Variants in TEAD1 observed in about 807,000 individuals in gnomAD.
TEAD1 encodes the protein transcriptional enhancer factor TEF-1.
Under a neutral mutation model 54.9 loss-of-function variants are expected in TEAD1, and 9 were observed. The observed-to-expected ratio is 0.16, with a 90% CI of 0.10 to 0.29. TEAD1 has a LOEUF of 0.29. TEAD1 is among the 10% of genes least tolerant of loss of function. The pLI is 1.00. For synonymous variants in TEAD1, 200 were observed against 187.8 expected, an observed-to-expected ratio of 1.07 and a Z score of -0.53; for missense variants, 387 against 535.9, an observed-to-expected ratio of 0.72 and a Z score of 2.74.
intron 11 of TEAD1, among the ~76,000 whole-genome samples, chr11:12,927,682 A>G (rs1428591120): frequency 3.3e-5 from 5 of 152,100 alleles, no homozygotes; most frequent in African/African-American, 1.2e-4. Context: ...TTGCATTCTC[A>G]TTTCATTTTA....
At chr11:12,756,536 A>T (rs1434815097) in intron 2 of TEAD1, among the ~76,000 whole-genome samples, 1 of 152,218 alleles carries the variant, frequency 6.6e-6, no homozygotes, top group Non-Finnish European at 1.5e-5. Flanking sequence ...AACCATTATT[A>T]GTGTCTGACA....
At chr11:12,838,014 C>T (rs1247924164) in intron 3 of TEAD1, among the ~76,000 whole-genome samples, 1 of 152,026 alleles carries the variant, frequency 6.6e-6, no homozygotes, top group Non-Finnish European at 1.5e-5. Context: ...CCAGGCTGGT[C>T]TCGAACTCCT....
At chr11:12,808,387 C>T (rs993119226) in intron 3 of TEAD1, among the ~76,000 whole-genome samples, 4 of 152,188 alleles carry the variant, frequency 2.6e-5, no homozygotes, top group African/African-American at 9.7e-5. Flanking sequence ...AAATGCACCA[C>T]CATGATGTAA....
At position 12,882,994 on chromosome 11, in the gene TEAD1, C is replaced by G. The variant is rs565499240; in HGVS notation, c.575-7C>G. 19 of 1,614,036 alleles carry G rather than the reference C, an allele frequency of 1.2e-5. 1 individual carries two copies. The highest frequency in any genetic ancestry group is 6.7e-5 in the Admixed American group (4 of 60,000). ...ACCAGCATCAAAGGTGACGATTGCT[C>G]TTTCAGGGTTTGAGCCTGCATCGGC... On this transcript the variant is annotated splice_region_variant and splice_polypyrimidine_tract_variant and intron_variant, in intron 8 of 12. Coordinates refer to ENST00000527636, the MANE Select transcript of TEAD1 (RefSeq NM_021961.6).
At chr11:12,764,469 A>C in intron 3 of TEAD1, 35 bp downstream of exon 3, 1 of 1,608,578 alleles carries the variant, frequency 6.2e-7, no homozygotes, top group Non-Finnish European at 8.5e-7. Flanking sequence ...GAAATACTAC[A>C]ACCTGCAGTT....
At chr11:12,734,018 C>T (rs1201248854) in intron 2 of TEAD1, among the ~76,000 whole-genome samples, 1 of 152,154 alleles carries the variant, frequency 6.6e-6, no homozygotes, top group Non-Finnish European at 1.5e-5. Flanking sequence ...CTTGTAGGCT[C>T]AAGTGACCCT....
chr11:12,810,322 T>C (rs1188646336), intron 3 of TEAD1, among the ~76,000 whole-genome samples: 4 of 152,118 alleles, frequency 2.6e-5, no homozygotes, highest in Non-Finnish European at 5.9e-5. Context: ...CTGAGCTGTT[T>C]AGAGGTGTAA....
chr11:12,816,480 GGTATTT>G (rs1324564475), intron 3 of TEAD1, among the ~76,000 whole-genome samples: 11 of 152,080 alleles, frequency 7.2e-5, no homozygotes, highest in Non-Finnish European at 1.5e-4. Context: ...CCCCCTTTTT[GGTATTT>G]GTAGTGGCTT....
chr11:12,704,451 C>G (rs557395325), intron 2 of TEAD1, among the ~76,000 whole-genome samples: 25 of 152,362 alleles, frequency 1.6e-4, no homozygotes, highest in African/African-American at 6.0e-4. Flanking sequence ...TTTGCTTCCA[C>G]CGGCATCTGC....
chr11:12,862,357 C>G, intron 4 of TEAD1, 43 bp downstream of exon 4: 1 of 1,591,372 alleles, frequency 6.3e-7, no homozygotes, highest in South Asian at 1.1e-5. Context: ...AGCGAATGGC[C>G]CAAAAAGGCA....
At chr11:12,722,444 C>A (rs1248311397) in intron 2 of TEAD1, among the ~76,000 whole-genome samples, 1 of 152,170 alleles carries the variant, frequency 6.6e-6, no homozygotes, top group Non-Finnish European at 1.5e-5. Flanking sequence ...GGTAACATCC[C>A]TTTCCTCATC....
At chr11:12,759,445 T>C (rs1945057603) in intron 2 of TEAD1, among the ~76,000 whole-genome samples, 1 of 152,182 alleles carries the variant, frequency 6.6e-6, no homozygotes, top group African/African-American at 2.4e-5. Flanking sequence ...TTTGGATTCA[T>C]AGAGTTTGTT....
chr11:12,859,221 T>A (rs1253516623), intron 3 of TEAD1, among the ~76,000 whole-genome samples: 1 of 152,170 alleles, frequency 6.6e-6, no homozygotes, highest in Non-Finnish European at 1.5e-5. Context: ...CAACTCCAAG[T>A]GCTGCAAGAA....
chr11:12,908,360 C>T (rs992995808), intron 10 of TEAD1, among the ~76,000 whole-genome samples: 4 of 152,198 alleles, frequency 2.6e-5, no homozygotes, highest in African/African-American at 9.7e-5. Flanking sequence ...TCTGTTTCCC[C>T]TGCCCTGCCC....
chr11:12,721,986 C>T (rs1320819492), intron 2 of TEAD1, among the ~76,000 whole-genome samples: 1 of 152,212 alleles, frequency 6.6e-6, no homozygotes, highest in East Asian at 1.9e-4. Flanking sequence ...AGGTGCCTCA[C>T]TCCTAAATAT....
intron 2 of TEAD1, among the ~76,000 whole-genome samples, chr11:12,699,644 A>G (rs1436428711): frequency 2.0e-5 from 3 of 152,154 alleles, no homozygotes; most frequent in African/African-American, 7.2e-5. Flanking sequence ...TTTACTCACT[A>G]GATTATAAGC....
intron 10 of TEAD1, among the ~76,000 whole-genome samples, chr11:12,910,256 T>C (rs1421705531): frequency 6.6e-6 from 1 of 152,178 alleles, no homozygotes; most frequent in Non-Finnish European, 1.5e-5. Context: ...CTATATGAAG[T>C]TTACAGAAGG....
chr11:12,780,329 C>T (rs566530855), intron 3 of TEAD1, among the ~76,000 whole-genome samples: 67 of 151,570 alleles, frequency 4.4e-4, no homozygotes, highest in African/African-American at 1.5e-3. Flanking sequence ...CTACAACCTC[C>T]GCCTCCCAGG....
chr11:12,737,753 C>G (rs994222790), intron 2 of TEAD1, among the ~76,000 whole-genome samples: 1 of 152,146 alleles, frequency 6.6e-6, no homozygotes, highest in African/African-American at 2.4e-5. Flanking sequence ...AAATTCTTTT[C>G]TCCTATGTGA....
Sources: gnomAD v4.1 joint callset for allele counts (sites outside exome capture counted in the v4.1 genomes callset) on GRCh38, gnomAD v4.1.1 for gene constraint, MANE v1.5 for transcripts, NCBI Gene and HGNC (gene_info 2026-07-23, HGNC 2026-07-21) for gene names.